ULK4: variants seen among roughly 807,000 people sequenced by gnomAD.
ULK4 encodes the protein inactive serine/threonine-protein kinase ULK4.
In ULK4, 133 loss-of-function variants were observed where a neutral mutation model predicts 160.6. That is an observed-to-expected ratio of 0.83 (90% CI 0.72 to 0.96). The LOEUF is 0.96. ULK4 is among the 40% of genes least tolerant of loss of function. The pLI, the probability that ULK4 is intolerant of heterozygous loss-of-function variation, is 0.00. For synonymous variants in ULK4, 534 were observed against 539.8 expected (o/e 0.99, Z 0.15); for missense variants, 1,580 against 1,499.5 (o/e 1.05, Z -0.89).
chr3:41,535,186 T>C (rs1190061761), intron 32 of ULK4, among the ~76,000 whole-genome samples: 1 of 152,166 alleles, frequency 6.6e-6, no homozygotes, highest in Non-Finnish European at 1.5e-5. Context: ...CTGGGTTTTC[T>C]TCCAGGGTGT....
chr3:41,510,929 G>A (rs531930357), intron 32 of ULK4, among the ~76,000 whole-genome samples: 1 of 152,182 alleles, frequency 6.6e-6, no homozygotes, highest in African/African-American at 2.4e-5. Context: ...TTGGGAGGCT[G>A]AGGCGGGTGG....
chr3:41,913,919 C>T (rs1002231175), intron 8 of ULK4, among the ~76,000 whole-genome samples: 4 of 152,160 alleles, frequency 2.6e-5, no homozygotes, highest in Non-Finnish European at 5.9e-5. Flanking sequence ...GCCAAGATCA[C>T]ACCACTGCAC....
intron 35 of ULK4, among the ~76,000 whole-genome samples, chr3:41,375,224 A>T (rs771496286): frequency 6.6e-5 from 10 of 152,194 alleles, no homozygotes; most frequent in Non-Finnish European, 1.2e-4. Context: ...TAATTTACAG[A>T]TTCAATGCGA....
At chr3:41,667,573 G>C (rs557254903) in intron 29 of ULK4, among the ~76,000 whole-genome samples, 27 of 152,264 alleles carry the variant, frequency 1.8e-4, no homozygotes, top group African/African-American at 6.5e-4. Flanking sequence ...AATGGCCTCA[G>C]GGAAGACTAA....
intron 33 of ULK4, among the ~76,000 whole-genome samples, chr3:41,461,384 C>A (rs1350083707): frequency 6.6e-6 from 1 of 152,134 alleles, no homozygotes; most frequent in African/African-American, 2.4e-5. Flanking sequence ...TGTTTCAAGG[C>A]AGATATGTCT....
intron 17 of ULK4, among the ~76,000 whole-genome samples, chr3:41,871,787 T>G (rs1697104401): frequency 6.6e-6 from 1 of 152,232 alleles, no homozygotes; most frequent in African/African-American, 2.4e-5. Context: ...GCTTGTCTTT[T>G]TCATCATCTT....
intron 34 of ULK4, among the ~76,000 whole-genome samples, chr3:41,441,734 C>T (rs2083175294): frequency 6.6e-6 from 1 of 152,052 alleles, no homozygotes; most frequent in South Asian, 2.1e-4. Context: ...CTCAAGGCTA[C>T]CATTCCCTTG....
At chr3:41,855,370 T>C (rs1462008018) in intron 17 of ULK4, among the ~76,000 whole-genome samples, 1 of 152,218 alleles carries the variant, frequency 6.6e-6, no homozygotes, top group Non-Finnish European at 1.5e-5. Flanking sequence ...TGCCACACTG[T>C]TGTGGCAGGT....
chr3:41,526,704 T>C (rs2086129921), intron 32 of ULK4, among the ~76,000 whole-genome samples: 1 of 152,222 alleles, frequency 6.6e-6, no homozygotes, highest in Non-Finnish European at 1.5e-5. Context: ...GGGAGATATA[T>C]ACTTTGTTTG....
chr3:41,304,884 G>A (rs2079874230), intron 35 of ULK4, among the ~76,000 whole-genome samples: 1 of 152,208 alleles, frequency 6.6e-6, no homozygotes, highest in African/African-American at 2.4e-5. Context: ...GAGATCTCCT[G>A]CATTTGGCCC....
At chr3:41,653,295 C>A (rs1476223047) in intron 30 of ULK4, among the ~76,000 whole-genome samples, 1 of 152,148 alleles carries the variant, frequency 6.6e-6, no homozygotes. Context: ...ACTAGCCAAT[C>A]CTAAGCCTGC....
At chr3:41,450,235 G>T (rs1417045408) in intron 34 of ULK4, among the ~76,000 whole-genome samples, 1 of 151,864 alleles carries the variant, frequency 6.6e-6, no homozygotes, top group Non-Finnish European at 1.5e-5. Context: ...TTTCCTTCAG[G>T]AGACAGTCAA....
rs112136311 is a variant in ULK4 at position 41,891,921 on chromosome 3, A to C, written c.1577+3597T>G. On this transcript the variant is annotated intron_variant, in intron 16 of 36. Transcript: ENST00000301831. ...CTCCGTCTCAAACAAACAAAAAAAA[A>C]CCTACCAAATGATAAAATCTAATCA... Among the ~76,000 whole-genome samples, 447 of 152,308 alleles carry C rather than the reference A, an allele frequency of 2.9e-3. 3 individuals carry two copies. The highest frequency in any genetic ancestry group is 0.01 in the African/African-American group (431 of 41,578).
intron 31 of ULK4, among the ~76,000 whole-genome samples, chr3:41,605,252 TATA>T (rs1334691193): frequency 1.3e-5 from 2 of 151,854 alleles, no homozygotes; most frequent in African/African-American, 2.4e-5. Context: ...AAGATTTAAA[TATA>T]ATAATATCAA....
At chr3:41,291,460 A>AGGAGGGGAGGGGAGGG (rs1469803034) in intron 35 of ULK4, among the ~76,000 whole-genome samples, 10 of 688 alleles carry the variant, frequency 0.015, no homozygotes, top group Admixed American at 0.043. Context: ...GGGAGGGAAG[A>AGGAGGGGAGGGGAGGG]AGAGGAGGGG....
chr3:41,844,834 C>T (rs991250738), intron 17 of ULK4, among the ~76,000 whole-genome samples: 2 of 151,222 alleles, frequency 1.3e-5, no homozygotes, highest in East Asian at 3.9e-4. Flanking sequence ...ATGCAATTAC[C>T]ACAGGACCCA....
At position 41,881,284 on chromosome 3, in the gene ULK4, T is replaced by TAAAAA. The variant is rs58977381; in HGVS notation, c.1656+2585_1656+2589dup. ...CCACACATCCTGTAGCAGAAACTTC[T>TAAAAA]AAAAAAAAAAAAAAAAAAAAAAAAA... On this transcript the variant is annotated intron_variant, in intron 17 of 36. Transcript: ENST00000301831. Among the ~76,000 whole-genome samples the TAAAAA allele has an allele frequency of 3.0e-4, 38 of 126,252 alleles. 2 individuals carry two copies. The highest frequency in any genetic ancestry group is 1.3e-3 in the African/African-American group (35 of 27,610). 82.8% of individuals were successfully genotyped at this position (126,252 alleles called of 152,430 possible).
At chr3:41,351,345 C>T (rs2080905901) in intron 35 of ULK4, among the ~76,000 whole-genome samples, 1 of 152,164 alleles carries the variant, frequency 6.6e-6, no homozygotes, top group South Asian at 2.1e-4. Flanking sequence ...TCCTTATTCA[C>T]AAAAAGTTAA....
intron 35 of ULK4, among the ~76,000 whole-genome samples, chr3:41,306,128 T>A (rs983572142): frequency 1.6e-5 from 1 of 61,072 alleles, no homozygotes; most frequent in Non-Finnish European, 2.9e-5. Context: ...GGGAGGGAGG[T>A]GGGGGGGGGG....
Sources: gnomAD v4.1 joint callset for allele counts (sites outside exome capture counted in the v4.1 genomes callset) on GRCh38, gnomAD v4.1.1 for gene constraint, MANE v1.5 for transcripts, NCBI Gene and HGNC (gene_info 2026-07-23, HGNC 2026-07-21) for gene names.